The following ROBO2 variants were observed in gnomAD, a reference collection of about 807,000 sequenced individuals.
ROBO2 encodes roundabout guidance receptor 2, also known as roundabout homolog 2.
ROBO2 carries 53 observed loss-of-function variants against 160.8 expected under a neutral mutation model. That is an observed-to-expected ratio of 0.33 (90% confidence interval 0.26 to 0.41). The LOEUF (loss-of-function observed/expected upper bound fraction) is 0.41, where lower values mean the gene tolerates loss of function less well. Among genes scored for constraint, ROBO2 ranks in the 10% least tolerant of loss-of-function variants. ROBO2 has a pLI of 1.00. For synonymous variants in ROBO2, 664 were observed against 611.7 expected (o/e 1.09, Z -1.26); for missense variants, 1,577 against 1,722.4 (o/e 0.92, Z 1.49).
chr3:76,291,156 T>G (rs1351821931), intron 2 of ROBO2, among the ~76,000 whole-genome samples: 3 of 152,148 alleles, frequency 2.0e-5, no homozygotes, highest in Non-Finnish European at 4.4e-5. Context: ...AATCTGGCTG[T>G]GAATTCATGT....
intron 2 of ROBO2, among the ~76,000 whole-genome samples, chr3:77,283,068 A>G (rs921697463): frequency 6.6e-6 from 1 of 152,136 alleles, no homozygotes; most frequent in Non-Finnish European, 1.5e-5. Context: ...TATTAATGTA[A>G]CAGCTACTAC....
At chr3:76,742,616 A>G (rs1300730293) in intron 2 of ROBO2, among the ~76,000 whole-genome samples, 3 of 152,188 alleles carry the variant, frequency 2.0e-5, no homozygotes, top group Non-Finnish European at 4.4e-5. Context: ...CTGATTTTTC[A>G]CACAAGCCTT....
chr3:76,163,612 T>G (rs2072721317), intron 2 of ROBO2, among the ~76,000 whole-genome samples: 1 of 151,538 alleles, frequency 6.6e-6, no homozygotes, highest in Non-Finnish European at 1.5e-5. Flanking sequence ...TTCAGACGAC[T>G]ATAATAAAGT....
At chr3:76,322,165 T>TAC (rs1491433721) in intron 2 of ROBO2, among the ~76,000 whole-genome samples, 2 of 1,464 alleles carry the variant, frequency 1.4e-3, no homozygotes, top group East Asian at 0.056. Context: ...ACTTCTTCCG[T>TAC]ATATATATAT....
At chr3:76,996,759 G>C (rs1050029334) in intron 2 of ROBO2, among the ~76,000 whole-genome samples, 1 of 152,142 alleles carries the variant, frequency 6.6e-6, no homozygotes, top group African/African-American at 2.4e-5. Flanking sequence ...TTTTGAAAGA[G>C]AGTTTAACAA....
intron 2 of ROBO2, among the ~76,000 whole-genome samples, chr3:76,875,647 C>T (rs1047506695): frequency 6.6e-6 from 1 of 151,936 alleles, no homozygotes; most frequent in Non-Finnish European, 1.5e-5. Context: ...TGGATTCAGA[C>T]CCTTTTGCCT....
chr3:77,184,063 T>C (rs2081056355), intron 2 of ROBO2, among the ~76,000 whole-genome samples: 1 of 152,064 alleles, frequency 6.6e-6, no homozygotes, highest in African/African-American at 2.4e-5. Context: ...TATTTATAGC[T>C]CTGCTCATTG....
Position 76,504,560 on chromosome 3 carries a change from C to T in ROBO2, c.109+566958C>T, listed in dbSNP as rs546471494. Among the ~76,000 whole-genome samples, 399 of 123,034 alleles carry T rather than the reference C, an allele frequency of 3.2e-3. 3 individuals carry two copies. Among genetic ancestry groups the T allele is most frequent in the South Asian group, 9.8e-3 (37 of 3,772 alleles). The allele number at this position is 123,034 out of a possible 152,430, so 80.7% of individuals were successfully genotyped here. On this transcript the variant is annotated intron_variant, in intron 2 of 26. Transcript: ENST00000487694. ...TTTTTTTTTTTTTGAGACGGAGTCTCGCTCTGTGCCCAGGCTGGAGTGCAG... is the reference window on the plus strand; with the variant it reads ...TTTTTTTTTTTTTGAGACGGAGTCTTGCTCTGTGCCCAGGCTGGAGTGCAG...
intron 2 of ROBO2, among the ~76,000 whole-genome samples, chr3:77,023,967 C>T (rs2062796532): frequency 6.6e-6 from 1 of 152,034 alleles, no homozygotes; most frequent in Non-Finnish European, 1.5e-5. Flanking sequence ...TAAATAGCAA[C>T]CTTAATTTAA....
intron 1 of ROBO2, among the ~76,000 whole-genome samples, chr3:77,068,869 G>A (rs2067126657): frequency 6.6e-6 from 1 of 152,042 alleles, no homozygotes; most frequent in South Asian, 2.1e-4. Flanking sequence ...TTGGTTTTGT[G>A]ATCCGCAAAC....
chr3:76,238,979 A>T (rs1705127060), intron 2 of ROBO2, among the ~76,000 whole-genome samples: 1 of 152,210 alleles, frequency 6.6e-6, no homozygotes, highest in Non-Finnish European at 1.5e-5. Flanking sequence ...GGGTCTCCAG[A>T]AGTGTGGTCC....
At chr3:76,617,037 T>G (rs967758816) in intron 2 of ROBO2, among the ~76,000 whole-genome samples, 1 of 152,116 alleles carries the variant, frequency 6.6e-6, no homozygotes, top group African/African-American at 2.4e-5. Flanking sequence ...ACCTACACAG[T>G]GTGGCCCAGG....
chr3:77,244,295 A>C (rs939430452), intron 2 of ROBO2, among the ~76,000 whole-genome samples: 1 of 152,236 alleles, frequency 6.6e-6, no homozygotes, highest in Non-Finnish European at 1.5e-5. Context: ...AACAAGACAC[A>C]TATTGTAAGA....
intron 2 of ROBO2, among the ~76,000 whole-genome samples, chr3:77,393,899 G>A (rs887352650): frequency 1.3e-5 from 2 of 151,968 alleles, no homozygotes; most frequent in Admixed American, 1.3e-4. Context: ...ATATAAACTA[G>A]ACTTTATCAA....
intron 2 of ROBO2, among the ~76,000 whole-genome samples, chr3:76,836,156 T>C (rs1559579016): frequency 6.6e-6 from 1 of 152,184 alleles, no homozygotes; most frequent in East Asian, 1.9e-4. Flanking sequence ...CTGTTATTAA[T>C]ATATTATTTT....
intron 2 of ROBO2, among the ~76,000 whole-genome samples, chr3:76,939,490 G>A (rs796878289): frequency 2.0e-5 from 3 of 152,190 alleles, no homozygotes; most frequent in African/African-American, 7.2e-5. Flanking sequence ...AAAAGCAGAG[G>A]TTTAAATCCC....
intron 2 of ROBO2, among the ~76,000 whole-genome samples, chr3:77,329,664 C>T (rs1046305964): frequency 2.0e-5 from 3 of 152,200 alleles, no homozygotes; most frequent in Admixed American, 6.5e-5. Context: ...CTCTCCTGCC[C>T]TGTGCCTCAC....
chr3:77,200,927 A>G (rs1039048974), intron 2 of ROBO2, among the ~76,000 whole-genome samples: 4 of 152,100 alleles, frequency 2.6e-5, no homozygotes, highest in African/African-American at 9.7e-5. Context: ...GCATAAGTAC[A>G]CAGTAGCACA....
chr3:76,575,590 C>A (rs931073767), intron 2 of ROBO2, among the ~76,000 whole-genome samples: 1 of 151,958 alleles, frequency 6.6e-6, no homozygotes, highest in Non-Finnish European at 1.5e-5. Flanking sequence ...TTGAGAGAGA[C>A]CTTCCCCCTT....
Sources: allele counts gnomAD v4.1 joint callset (sites outside exome capture counted in the v4.1 genomes callset), GRCh38; gene constraint gnomAD v4.1.1; transcripts MANE v1.5; gene names NCBI Gene and HGNC (gene_info 2026-07-23, HGNC 2026-07-21).